The following ABCG8 variants were observed in gnomAD, a reference collection of about 807,000 sequenced individuals.
ABCG8 encodes ATP binding cassette subfamily G member 8.
In ABCG8, 81 loss-of-function variants were observed where a neutral mutation model predicts 71.3. That is an observed-to-expected ratio of 1.14 (90% CI 0.95 to 1.37). ABCG8 has a LOEUF of 1.37. Ranked by LOEUF, ABCG8 falls within the 40% of genes most tolerant of loss-of-function variation. ABCG8 has a pLI of 0.00. For missense variants in ABCG8, 1,119 were observed against 866.2 expected (o/e 1.29, Z -3.66); for synonymous variants, 451 against 354.7 (o/e 1.27, Z -3.05).
intron 6 of ABCG8, among the ~76,000 whole-genome samples, chr2:43,870,751 C>G (rs902158224): frequency 1.3e-5 from 2 of 149,996 alleles, no homozygotes; most frequent in East Asian, 1.9e-4. Flanking sequence ...TTGGATAGAA[C>G]TCTCATTTTC....
chr2:43,851,956 C>T (rs966392143), intron 4 of ABCG8, 134 bp downstream of exon 4: 14 of 1,034,160 alleles, frequency 1.4e-5, no homozygotes, highest in Non-Finnish European at 1.6e-5. Flanking sequence ...CTTCCGCCAG[C>T]CCTGGGCTGC....
At chr2:43,853,916 C>T (rs1240571543) in intron 6 of ABCG8, among the ~76,000 whole-genome samples, 2 of 152,170 alleles carry the variant, frequency 1.3e-5, no homozygotes, top group East Asian at 1.9e-4. Context: ...CCTCTGTACT[C>T]ACATTCTGCA....
At chr2:43,864,333 T>A (rs963290716) in intron 6 of ABCG8, among the ~76,000 whole-genome samples, 1 of 151,590 alleles carries the variant, frequency 6.6e-6, no homozygotes, top group Non-Finnish European at 1.5e-5. Flanking sequence ...TGGATAGAAT[T>A]TTCACTCTCT....
At chr2:43,850,909 CAAAA>C (rs1164206598) in intron 3 of ABCG8, among the ~76,000 whole-genome samples, 7 of 57,486 alleles carry the variant, frequency 1.2e-4, no homozygotes, top group Admixed American at 1.9e-4. Flanking sequence ...GACTCTGTCT[CAAAA>C]AAAAAAAAAA....
intron 3 of ABCG8, among the ~76,000 whole-genome samples, chr2:43,850,711 A>C (rs1553377831): frequency 6.6e-6 from 1 of 152,142 alleles, no homozygotes; most frequent in Non-Finnish European, 1.5e-5. Context: ...TCAGGAGTTC[A>C]AGACCAGCCT....
chr2:43,860,834 C>A (rs1381564985), intron 6 of ABCG8, among the ~76,000 whole-genome samples: 3 of 150,980 alleles, frequency 2.0e-5, no homozygotes, highest in Non-Finnish European at 4.5e-5. Context: ...GTATAGAATT[C>A]TCACCCTCTG....
intron 3 of ABCG8, 28 bp downstream of exon 3, chr2:43,846,339 T>C: frequency 6.2e-7 from 1 of 1,613,962 alleles, no homozygotes; most frequent in Middle Eastern, 1.7e-4. Flanking sequence ...CGCTGGGCAA[T>C]GGTTTCTCTC....
At chr2:43,844,480 G>A in intron 1 of ABCG8, 27 bp from the exon 2 acceptor site, 2 of 1,573,148 alleles carry the variant, frequency 1.3e-6, no homozygotes, top group South Asian at 2.2e-5. Context: ...TTCTAAAGGA[G>A]CCCCTCATCT....
At position 43,879,298 on chromosome 2, in the gene ABCG8, G is replaced by T. The variant is rs992517138; in HGVS notation, c.*1385G>T. On this transcript the variant is annotated 3_prime_UTR_variant, in exon 13 of 13. Coordinates refer to ENST00000272286, the MANE Select transcript of ABCG8 (RefSeq NM_022437.3). ...GGAAAATTAGAGTTTAGAATCAAAA[G>T]AAGGGGAAGGTGCGTGTTTGGGAGG... 6.6e-6 allele frequency: 1 copy of T among 152,326 alleles called. No individual in the cohort carries two copies. The highest frequency in any genetic ancestry group is 6.5e-5 in the Admixed American group (1 of 15,274). 9.4% of individuals were successfully genotyped at this position (152,326 alleles called of 1,614,324 possible). A position where few individuals can be genotyped will look rare whatever the true frequency, so the allele number is the denominator to read the frequency against.
intron 1 of ABCG8, among the ~76,000 whole-genome samples, chr2:43,843,238 G>A (rs1668637251): frequency 6.6e-6 from 1 of 152,126 alleles, no homozygotes; most frequent in South Asian, 2.1e-4. Context: ...AAGCCTGAAG[G>A]GTGTTCTGGG....
chr2:43,842,271 C>G (rs969935090), intron 1 of ABCG8, among the ~76,000 whole-genome samples: 7 of 152,160 alleles, frequency 4.6e-5, no homozygotes, highest in Non-Finnish European at 7.3e-5. Flanking sequence ...CCTCAGCTTC[C>G]CAAAGTGCTG....
chr2:43,854,259 C>G (rs762138562), intron 6 of ABCG8, among the ~76,000 whole-genome samples: 1 of 152,186 alleles, frequency 6.6e-6, no homozygotes, highest in East Asian at 1.9e-4. Flanking sequence ...AGCTACAGTG[C>G]TGCACACTAG....
chr2:43,857,349 G>A (rs1234711321), intron 6 of ABCG8, among the ~76,000 whole-genome samples: 3 of 148,618 alleles, frequency 2.0e-5, no homozygotes, highest in Non-Finnish European at 4.5e-5. Flanking sequence ...GAACTCTCTC[G>A]TATTCCTCGA....
chr2:43,874,445 G>A lies in ABCG8; in HGVS notation c.1450G>A (p.Asp484Asn), dbSNP rs747856239. The A allele has an allele frequency of 6.2e-7, 1 of 1,613,984 alleles. No individual in the cohort carries two copies. The highest frequency in any genetic ancestry group is 1.1e-5 in the South Asian group (1 of 91,082). The change falls in exon 10 of 13, where the codon GAC (aspartate) becomes AAC (asparagine). Residue 484 changes from aspartate (D) to asparagine (N), a missense_variant. Physicochemically the swap from Asp to Asn is conservative, Grantham distance 23 (BLOSUM62 1). Coordinates refer to ENST00000272286, the MANE Select transcript of ABCG8 (RefSeq NM_022437.3). ...GGCAATGCTTTACTATGAACTGGAA[G>A]ACGGGCTGTACACCACTGGTCCATA... ...ERAMLYYELE[D>N]GLYTTGPYFF...
rs13407787 is a variant in ABCG8, at chr2:43,880,172, T to A, written c.*2259T>A. On this transcript the variant is annotated 3_prime_UTR_variant, in exon 13 of 13. Coordinates refer to ENST00000272286, the MANE Select transcript of ABCG8 (RefSeq NM_022437.3). ...AACCAAGAGTTTCAGGCTCATTTTTTGTTTTGTTTTTTTTTTTTTGAGACA... is the reference window on the plus strand; with the variant it reads ...AACCAAGAGTTTCAGGCTCATTTTTAGTTTTGTTTTTTTTTTTTTGAGACA... The A allele has an allele frequency of 8.4e-6, 1 of 118,426 alleles. No individual in the cohort carries two copies. The highest frequency in any genetic ancestry group is 1.7e-5 in the Non-Finnish European group (1 of 59,728). 7.3% of individuals were successfully genotyped at this position (118,426 alleles called of 1,614,324 possible).
rs1033059139 is a variant in ABCG8 at position 43,844,568 on chromosome 2, G to T, written c.125G>T (p.Gly42Val). 1.1e-5 allele frequency: 17 copies of T among 1,614,046 alleles called. No individual in the cohort carries two copies. Among genetic ancestry groups the T allele is most frequent in the Non-Finnish European group, 1.4e-5 (16 of 1,180,018 alleles). ...SDNSLYFTYSGQPNTLEVRDL... is the reference protein window; with the variant it reads ...SDNSLYFTYSVQPNTLEVRDL... The stretch of plus-strand genomic sequence containing the variant: ...AACAGCCTGTACTTCACCTACAGTG[G>T]CCAGCCCAACACCCTGGAGGTCAGA... The change falls in exon 2 of 13, where the codon GGC (glycine) becomes GTC (valine). Residue 42 changes from glycine to valine, a missense_variant. Transcript: ENST00000272286.
intron 2 of ABCG8, among the ~76,000 whole-genome samples, chr2:43,845,879 T>C (rs1323643654): frequency 1.3e-5 from 2 of 151,904 alleles, no homozygotes; most frequent in Admixed American, 6.6e-5. Context: ...GCCTCAGCCT[T>C]CCAAAGTGCT....
rs748256968 is a variant in ABCG8, at chr2:43,875,151, C to T, written c.1494C>T (p.Leu498=). ...TTGPYFFAKI[L]GELPEHCAYI... ...GCAAGGGCTGTTCTTTGCAGATCCT[C>T]GGGGAGCTTCCGGAGCACTGTGCCT... The change falls in exon 11 of 13, where the codon CTC becomes CTT. Residue 498 remains leucine, a synonymous_variant. Coordinates refer to ENST00000272286, the MANE Select transcript of ABCG8 (RefSeq NM_022437.3). The T allele has an allele frequency of 1.5e-5, 24 of 1,614,082 alleles. No homozygotes were observed. The highest frequency in any genetic ancestry group is 2.2e-5 in the East Asian group (1 of 44,898).
At chr2:43,856,860 C>G (rs1192364019) in intron 6 of ABCG8, among the ~76,000 whole-genome samples, 2 of 151,982 alleles carry the variant, frequency 1.3e-5, no homozygotes, top group African/African-American at 2.4e-5. Flanking sequence ...TTCTCACTCT[C>G]TGGATAAAAC....
Sources: allele counts gnomAD v4.1 joint callset (sites outside exome capture counted in the v4.1 genomes callset), GRCh38; gene constraint gnomAD v4.1.1; transcripts MANE v1.5; gene names NCBI Gene and HGNC (gene_info 2026-07-23, HGNC 2026-07-21).